The following TG variants were observed in gnomAD, a reference collection of about 807,000 sequenced individuals.
The protein encoded by TG is thyroid hormones.
Under a neutral mutation model 324.7 loss-of-function variants are expected in TG, and 270 were observed. The observed-to-expected ratio is 0.83, with a 90% confidence interval of 0.75 to 0.92. TG has a LOEUF of 0.92. Among genes scored for constraint, TG ranks in the 40% least tolerant of loss-of-function variants. TG has a pLI of 0.00. For synonymous variants in TG, 1,401 were observed against 1,327.0 expected, an observed-to-expected ratio of 1.06 and a Z score of -1.21; for missense variants, 3,591 against 3,456.4, an observed-to-expected ratio of 1.04 and a Z score of -0.98.
At chr8:133,040,323 GT>G in intron 41 of TG, 1 of 619,544 alleles carries the variant, frequency 1.6e-6, no homozygotes, top group Non-Finnish European at 2.8e-6. Flanking sequence ...AAATGTAAGC[GT>G]GCCCTGGTAT....
chr8:133,045,586 A>G (rs2741193), intron 41 of TG, among the ~76,000 whole-genome samples: 107,417 of 151,658 alleles, frequency 0.71, 38,363 homozygotes, highest in East Asian at 0.77. Flanking sequence ...GTAGAGGTGC[A>G]GTGTTGCTAC....
chr8:133,057,331 G>T (rs1042546736), intron 41 of TG, among the ~76,000 whole-genome samples: 2 of 152,174 alleles, frequency 1.3e-5, no homozygotes, highest in African/African-American at 2.4e-5. Context: ...ATCCTGTACT[G>T]CCCATGTCTG....
At position 132,900,341 on chromosome 8, in the gene TG, T is replaced by G; in HGVS notation, c.3433+2T>G. ...CTGGCTCGAGCAGCAGTGCCCAGTG[T>G]GAGTAGCAGCCCCTCCTGGCATGGC... is the stretch of plus-strand genomic sequence containing the variant. On this transcript the variant is annotated splice_donor_variant, in intron 15 of 47. Coordinates refer to ENST00000220616, the MANE Select transcript of TG (RefSeq NM_003235.5). LOFTEE classifies it high-confidence loss of function. The G allele has an allele frequency of 6.2e-7, 1 of 1,610,112 alleles. No individual in the cohort carries two copies. Among genetic ancestry groups the G allele is most frequent in the Non-Finnish European group, 8.5e-7 (1 of 1,178,600 alleles).
chr8:133,129,855 C>T (rs1237528597), intron 45 of TG, among the ~76,000 whole-genome samples: 6 of 152,138 alleles, frequency 3.9e-5, no homozygotes, highest in African/African-American at 1.2e-4. Flanking sequence ...AAACATCTCT[C>T]AAGAGAGATC....
chr8:132,969,819 C>T (rs575789778), intron 32 of TG, among the ~76,000 whole-genome samples: 13 of 144,794 alleles, frequency 9.0e-5, no homozygotes, highest in Non-Finnish European at 1.5e-4. Context: ...GAGGCTGAGG[C>T]AGAAGAATTG....
intron 41 of TG, among the ~76,000 whole-genome samples, chr8:133,066,152 T>A (rs58056759): frequency 0.26 from 39,381 of 151,816 alleles, 5,221 homozygotes; most frequent in South Asian, 0.31. Flanking sequence ...TGAAACCCCG[T>A]CTCTACTAAG....
intron 35 of TG, chr8:132,995,361 C>T (rs967575836): frequency 1.0e-6 from 1 of 985,186 alleles, no homozygotes; most frequent in Non-Finnish European, 1.2e-6. Flanking sequence ...AGAGATCAGA[C>T]ACAGGTCTCT....
chr8:133,040,223 T>A, intron 41 of TG: 1 of 1,372,740 alleles, frequency 7.3e-7, no homozygotes, highest in Non-Finnish European at 1.0e-6. Flanking sequence ...TGCAGCTCCC[T>A]GGCTGCTGCC....
At chr8:132,943,009 C>T (rs1311456953) in intron 26 of TG, among the ~76,000 whole-genome samples, 1 of 152,166 alleles carries the variant, frequency 6.6e-6, no homozygotes, top group Admixed American at 6.5e-5. Context: ...ACTGTTGCTG[C>T]CTCCAGCATC....
intron 29 of TG, 28 bp downstream of exon 29, chr8:132,963,102 C>T: frequency 1.2e-6 from 2 of 1,607,314 alleles, no homozygotes; most frequent in Non-Finnish European, 1.7e-6. Context: ...TTCTTACACA[C>T]TTGGGTGTCT....
chr8:132,964,872 G>A, intron 29 of TG: 1 of 701,600 alleles, frequency 1.4e-6, no homozygotes. Flanking sequence ...AATGCTAGCA[G>A]CCTGCAGGGG....
At chr8:132,955,900 C>G (rs1235599911) in intron 27 of TG, among the ~76,000 whole-genome samples, 1 of 152,194 alleles carries the variant, frequency 6.6e-6, no homozygotes, top group Admixed American at 6.5e-5. Flanking sequence ...GGCTCTGTGC[C>G]CAGACCCTCA....
chr8:132,911,263 T>C lies in TG; in HGVS notation c.4003-114T>C. 2.5e-6 allele frequency: 4 copies of C among 1,581,234 alleles called. No homozygotes were observed. The Admixed American group carries it at 5.1e-5, about 20-fold the overall frequency. On this transcript the variant is annotated intron_variant, in intron 18 of 47. Coordinates refer to ENST00000220616, the MANE Select transcript of TG (RefSeq NM_003235.5). Reference sequence around the variant, plus strand: ...TATTCCTTGACCCCCTGAAGTAGGGTTGGTGGAGGATTGAAGGAAGTAACA... The same window carrying C: ...TATTCCTTGACCCCCTGAAGTAGGGCTGGTGGAGGATTGAAGGAAGTAACA...
At chr8:132,947,400 A>C (rs1182948336) in intron 26 of TG, among the ~76,000 whole-genome samples, 1 of 152,206 alleles carries the variant, frequency 6.6e-6, no homozygotes, top group Admixed American at 6.5e-5. Flanking sequence ...GATGACCTGG[A>C]AGGCCACTTA....
chr8:133,100,974 G>T (rs1318404795), intron 43 of TG, among the ~76,000 whole-genome samples: 1 of 152,040 alleles, frequency 6.6e-6, no homozygotes, highest in Non-Finnish European at 1.5e-5. Flanking sequence ...TTTTTTCTGG[G>T]AAAGAAAGGC....
chr8:132,999,954 G>A (rs1352007221), intron 35 of TG, among the ~76,000 whole-genome samples: 2 of 152,180 alleles, frequency 1.3e-5, no homozygotes, highest in Admixed American at 6.5e-5. Flanking sequence ...TGATGTGACA[G>A]CATTTCTTTC....
intron 41 of TG, among the ~76,000 whole-genome samples, chr8:133,077,302 G>A (rs907006280): frequency 6.6e-6 from 1 of 152,116 alleles, no homozygotes; most frequent in Non-Finnish European, 1.5e-5. Flanking sequence ...AAGGGGTCCC[G>A]TTCACAGGAG....
intron 35 of TG, among the ~76,000 whole-genome samples, chr8:132,991,197 C>A (rs1204940498): frequency 6.6e-6 from 1 of 152,108 alleles, no homozygotes; most frequent in Non-Finnish European, 1.5e-5. Flanking sequence ...GCAGCACCCA[C>A]CACTGCTAAT....
intron 40 of TG, among the ~76,000 whole-genome samples, chr8:133,025,905 G>A (rs929938717): frequency 6.6e-6 from 1 of 152,170 alleles, no homozygotes; most frequent in African/African-American, 2.4e-5. Flanking sequence ...AAAACTCTGA[G>A]CAGCTCCTTC....
Sources: allele counts gnomAD v4.1 joint callset (sites outside exome capture counted in the v4.1 genomes callset), GRCh38; gene constraint gnomAD v4.1.1; transcripts MANE v1.5; gene names NCBI Gene and HGNC (gene_info 2026-07-23, HGNC 2026-07-21).